The following DIRAS1 variants were observed in gnomAD, a reference collection of about 807,000 sequenced individuals.
The protein encoded by DIRAS1 is GTP-binding protein Di-Ras1.
A neutral mutation model predicts 11.5 loss-of-function variants in DIRAS1; 3 were observed. The observed-to-expected ratio is 0.26, with a 90% CI of 0.12 to 0.67. The LOEUF (loss-of-function observed/expected upper bound fraction) is 0.67, where lower values mean the gene tolerates loss of function less well. Ranked by LOEUF, DIRAS1 falls within the 30% of genes least tolerant of loss-of-function variation. The probability of loss-of-function intolerance (pLI) is 0.80; values close to 1 mark genes in which losing one functional copy is unlikely to be tolerated. For synonymous variants in DIRAS1, 128 were observed against 125.8 expected, an observed-to-expected ratio of 1.02 and a Z score of -0.12; for missense variants, 212 against 285.3, an observed-to-expected ratio of 0.74 and a Z score of 1.85.
chr19:2,717,075 CG>C lies in DIRAS1; in HGVS notation c.*134del. 1 of 881,312 alleles carries C rather than the reference CG, an allele frequency of 1.1e-6. No homozygotes were observed. 54.6% of individuals were successfully genotyped at this position (881,312 alleles called of 1,614,324 possible). A position where few individuals can be genotyped will look rare whatever the true frequency, so the allele number is the denominator to read the frequency against. On this transcript the variant is annotated 3_prime_UTR_variant, in exon 2 of 2. Coordinates refer to ENST00000323469, the MANE Select transcript of DIRAS1 (RefSeq NM_145173.4). ...TGGGCAGGGGCAGCGGAGGGGGGGG[CG>C]GTGGCCTCGGTTTCCCCAGCCGAGG...
Position 2,718,110 on chromosome 19 carries a change from C to T in DIRAS1, c.-69-235G>A, listed in dbSNP as rs538216855. Among the ~76,000 whole-genome samples the T allele has an allele frequency of 6.6e-6, 1 of 152,346 alleles. No individual in the cohort carries two copies. The highest frequency in any genetic ancestry group is 1.9e-4 in the East Asian group (1 of 5,188). ...TAACAAAATCTGGGGCCTGAGCTTC[C>T]CCGGGGGACGCTGAGCTAGGAGAGG... On this transcript the variant is annotated intron_variant, in intron 1 of 1. Coordinates refer to ENST00000323469, the MANE Select transcript of DIRAS1 (RefSeq NM_145173.4). The surrounding 1 kb of genome is among the most constrained non-coding windows in gnomAD (Gnocchi z 4.2).
intron 1 of DIRAS1, among the ~76,000 whole-genome samples, chr19:2,720,917 G>A (rs1053568808): frequency 1.3e-5 from 2 of 151,996 alleles, no homozygotes; most frequent in South Asian, 2.1e-4. Context: ...GCCCACCCCG[G>A]GGAGGGGGCG....
intron 1 of DIRAS1, among the ~76,000 whole-genome samples, chr19:2,719,393 G>T (rs1462702549): frequency 1.3e-5 from 2 of 151,962 alleles, no homozygotes; most frequent in Non-Finnish European, 2.9e-5. Context: ...AGCACTTCCT[G>T]GGAGGGGCAC....
At position 2,717,844 on chromosome 19, in the gene DIRAS1, C is replaced by T. The variant is rs1429469483; in HGVS notation, c.-38G>A. ...GGGTGGGCGGCCGGGGCCGGGAGGGCTGGTGCCAGCTGCAAGAACCCCAGA... is the reference window on the plus strand; with the variant it reads ...GGGTGGGCGGCCGGGGCCGGGAGGGTTGGTGCCAGCTGCAAGAACCCCAGA... On this transcript the variant is annotated 5_prime_UTR_variant, in exon 2 of 2. Transcript: ENST00000323469. The T allele has an allele frequency of 2.0e-6, 3 of 1,536,762 alleles. No homozygotes were observed. Among genetic ancestry groups the T allele is most frequent in the Non-Finnish European group, 2.6e-6 (3 of 1,144,676 alleles).
rs1200079684 is a variant in DIRAS1 at position 2,716,033 on chromosome 19, T to C, written c.*1177A>G. 1 of 152,290 alleles carries C rather than the reference T, an allele frequency of 6.6e-6. No homozygotes were observed. Among genetic ancestry groups the C allele is most frequent in the Non-Finnish European group, 1.5e-5 (1 of 68,118 alleles). The allele number at this position is 152,290 out of a possible 1,614,324, so 9.4% of individuals were successfully genotyped here. On this transcript the variant is annotated 3_prime_UTR_variant, in exon 2 of 2. Coordinates refer to ENST00000323469, the MANE Select transcript of DIRAS1 (RefSeq NM_145173.4). ...AGACACACACAGGTATACACGCAGATGCACTTAGATACAAGTCACCCATCC... is the reference window on the plus strand; with the variant it reads ...AGACACACACAGGTATACACGCAGACGCACTTAGATACAAGTCACCCATCC...
rs575798120 is a variant in DIRAS1 at position 2,716,906 on chromosome 19, G to C, written c.*304C>G. ...CCTCTGGTCCTGGTGGGAACAAGCAGCTCCTCTTGCCAGCTCCCCATCCTG... is the reference window on the plus strand; with the variant it reads ...CCTCTGGTCCTGGTGGGAACAAGCACCTCCTCTTGCCAGCTCCCCATCCTG... On this transcript the variant is annotated 3_prime_UTR_variant, in exon 2 of 2. Coordinates refer to ENST00000323469, the MANE Select transcript of DIRAS1 (RefSeq NM_145173.4). 6 of 376,370 alleles carry C rather than the reference G, an allele frequency of 1.6e-5. No homozygotes were observed. The highest frequency in any genetic ancestry group is 1.2e-4 in the African/African-American group (6 of 49,234). 23.3% of individuals were successfully genotyped at this position (376,370 alleles called of 1,614,324 possible). A position where few individuals can be genotyped will look rare whatever the true frequency, so the allele number is the denominator to read the frequency against.
chr19:2,715,045 C>G lies in DIRAS1; in HGVS notation c.*2165G>C, dbSNP rs1913751730. 6.6e-6 allele frequency: 1 copy of G among 152,472 alleles called. No individual in the cohort carries two copies. The highest frequency in any genetic ancestry group is 2.4e-5 in the African/African-American group (1 of 41,466). The allele number at this position is 152,472 out of a possible 1,614,324, so 9.4% of individuals were successfully genotyped here. A position where few individuals can be genotyped will look rare whatever the true frequency, so the allele number is the denominator to read the frequency against. ...CAGCTCTGCTCAGACACAATGCCAG[C>G]TCTTCTGGGAGCCCGGTCCACGTGC... On this transcript the variant is annotated 3_prime_UTR_variant, in exon 2 of 2. Transcript: ENST00000323469.
chr19:2,720,495 AG>A (rs1158123548), intron 1 of DIRAS1, among the ~76,000 whole-genome samples: 1 of 152,144 alleles, frequency 6.6e-6, no homozygotes, highest in African/African-American at 2.4e-5. Flanking sequence ...GTCACAGAGC[AG>A]GGGGGTGGAG....
At chr19:2,717,985 G>C (rs1020224606) in intron 1 of DIRAS1, 110 bp from the exon 2 acceptor site, 3 of 663,040 alleles carry the variant, frequency 4.5e-6, no homozygotes, top group East Asian at 2.7e-5. Flanking sequence ...GGTGGCTGCC[G>C]TGCCTCCTGC....
chr19:2,717,361 G>A lies in DIRAS1; in HGVS notation c.446C>T (p.Thr149Ile), dbSNP rs1913844320. 6.2e-7 allele frequency: 1 copy of A among 1,609,858 alleles called. No individual in the cohort carries two copies. The highest frequency in any genetic ancestry group is 8.5e-7 in the Non-Finnish European group (1 of 1,179,990). Reference sequence around the variant, plus strand: ...GACGTTGTAGTTCATCTTGGCCGAGGTCTCCATGAAAGCGCACTTCCACTC... The same window carrying A: ...GACGTTGTAGTTCATCTTGGCCGAGATCTCCATGAAAGCGCACTTCCACTC... ...AQEWKCAFME[T>I]SAKMNYNVKE... is the part of the protein sequence containing the mutation. Residue 149 changes from threonine to isoleucine, a missense_variant, in exon 2 of 2, where the codon ACC (threonine) becomes ATC (isoleucine). Thr to Ile is a moderately conservative substitution (Grantham distance 89). Coordinates refer to ENST00000323469, the MANE Select transcript of DIRAS1 (RefSeq NM_145173.4).
chr19:2,717,822 TG>T lies in DIRAS1; in HGVS notation c.-17del, dbSNP rs758244967. On this transcript the variant is annotated 5_prime_UTR_variant, in exon 2 of 2. Transcript: ENST00000323469. ...GTTCCGGCATCTTCCCCGCGGCGGG[TG>T]GGCGGCCGGGGCCGGGAGGGCTGGT... 1.3e-4 allele frequency: 206 copies of T among 1,580,068 alleles called. No individual in the cohort carries two copies. The highest frequency in any genetic ancestry group is 6.7e-4 in the Middle Eastern group (4 of 5,986).
chr19:2,717,424 C>T lies in DIRAS1; in HGVS notation c.383G>A (p.Arg128Gln). The T allele has an allele frequency of 6.2e-7, 1 of 1,608,340 alleles. No individual in the cohort carries two copies. The highest frequency in any genetic ancestry group is 8.5e-7 in the Non-Finnish European group (1 of 1,179,998). Residue 128 changes from arginine (R) to glutamine (Q), a missense_variant, in exon 2 of 2, where the codon CGG (arginine) becomes CAG (glutamine). This residue lies in a region of DIRAS1 where 128 missense variants were observed against 205.3 expected (regional missense o/e 0.62). Transcript: ENST00000323469. Reference sequence around the variant, plus strand: ...CTGCGCCTCGCGCGTGTCCACCTCCCGCTGCGTCTCATCGCACTTGTTGCC... The same window carrying T: ...CTGCGCCTCGCGCGTGTCCACCTCCTGCTGCGTCTCATCGCACTTGTTGCC... ...LVGNKCDETQ[R>Q]EVDTREAQAV...
In DIRAS1 at chr19:2,717,066, A is replaced by AG. The variant is rs1555707239; in HGVS notation, c.*143dup. 1.6e-3 allele frequency: 1,184 copies of AG among 754,338 alleles called. No individual in the cohort carries two copies. In the African/African-American group the frequency reaches 0.017, roughly 11 times the overall value. 46.7% of individuals were successfully genotyped at this position (754,338 alleles called of 1,614,324 possible). On this transcript the variant is annotated 3_prime_UTR_variant, in exon 2 of 2. Transcript: ENST00000323469. ...GCCTCGGGGTGGGCAGGGGCAGCGG[A>AG]GGGGGGGGCGGTGGCCTCGGTTTCC...
At position 2,717,826 on chromosome 19, in the gene DIRAS1, C is replaced by T; in HGVS notation, c.-20G>A. 1.3e-6 allele frequency: 2 copies of T among 1,570,430 alleles called. No homozygotes were observed. The highest frequency in any genetic ancestry group is 1.7e-6 in the Non-Finnish European group (2 of 1,162,374). The stretch of plus-strand genomic sequence containing the variant: ...CGGCATCTTCCCCGCGGCGGGTGGG[C>T]GGCCGGGGCCGGGAGGGCTGGTGCC... On this transcript the variant is annotated 5_prime_UTR_variant, in exon 2 of 2. Transcript: ENST00000323469.
chr19:2,715,137 G>A lies in DIRAS1; in HGVS notation c.*2073C>T, dbSNP rs1913754734. On this transcript the variant is annotated 3_prime_UTR_variant, in exon 2 of 2. Coordinates refer to ENST00000323469, the MANE Select transcript of DIRAS1 (RefSeq NM_145173.4). Reference sequence around the variant, plus strand: ...TGAGTGTGTCCAATAAACATTTGTTGAGTAAACACTCACACGAACACAGAG... The same window carrying A: ...TGAGTGTGTCCAATAAACATTTGTTAAGTAAACACTCACACGAACACAGAG... 6.6e-6 allele frequency: 1 copy of A among 152,208 alleles called. No homozygotes were observed. The highest frequency in any genetic ancestry group is 1.5e-5 in the Non-Finnish European group (1 of 68,038). The allele number at this position is 152,208 out of a possible 1,614,324, so 9.4% of individuals were successfully genotyped here.
intron 1 of DIRAS1, chr19:2,719,198 T>G (rs1349709311): frequency 6.6e-6 from 1 of 152,168 alleles, no homozygotes; most frequent in East Asian, 1.9e-4. Context: ...AACCACAATT[T>G]GCAAATCAGG....
At position 2,717,528 on chromosome 19, in the gene DIRAS1, C is replaced by A. The variant is rs1476243477; in HGVS notation, c.279G>T (p.Ser93=). The A allele has an allele frequency of 1.2e-6, 2 of 1,612,954 alleles. No homozygotes were observed. The highest frequency in any genetic ancestry group is 8.5e-7 in the Non-Finnish European group (1 of 1,179,916). The change falls in exon 2 of 2, where the codon TCG becomes TCT. Residue 93 remains serine, a synonymous_variant. Transcript: ENST00000323469. The stretch of plus-strand genomic sequence containing the variant: ...TGTAGATGGGCCCCAGCTCCTCCAG[C>A]GACTGCTTGCTGGTGACGGAGAACA... ...ILVFSVTSKQ[S]LEELGPIYKL...
intron 1 of DIRAS1, among the ~76,000 whole-genome samples, chr19:2,719,356 C>T (rs1234872464): frequency 1.3e-5 from 2 of 152,180 alleles, no homozygotes; most frequent in Non-Finnish European, 2.9e-5. Flanking sequence ...TAGCCCCTCC[C>T]GTTCAGGTCT....
At position 2,717,843 on chromosome 19, in the gene DIRAS1, G is replaced by A. The variant is rs1913863358; in HGVS notation, c.-37C>T. 1.3e-6 allele frequency: 2 copies of A among 1,537,324 alleles called. No individual in the cohort carries two copies. Among genetic ancestry groups the A allele is most frequent in the Non-Finnish European group, 1.7e-6 (2 of 1,144,974 alleles). On this transcript the variant is annotated 5_prime_UTR_variant, in exon 2 of 2. Coordinates refer to ENST00000323469, the MANE Select transcript of DIRAS1 (RefSeq NM_145173.4). ...CGGGTGGGCGGCCGGGGCCGGGAGG[G>A]CTGGTGCCAGCTGCAAGAACCCCAG...
Sources: allele counts gnomAD v4.1 joint callset (sites outside exome capture counted in the v4.1 genomes callset), GRCh38; gene constraint gnomAD v4.1.1; regional missense constraint gnomAD v4.1.1; non-coding constraint Gnocchi (gnomAD v3.1); transcripts MANE v1.5; gene names NCBI Gene and HGNC (gene_info 2026-07-23, HGNC 2026-07-21).